Variants in LRFN2 observed in about 807,000 individuals in gnomAD.
The protein encoded by LRFN2 is leucine rich repeat and fibronectin type III domain containing 2.
A neutral mutation model predicts 37.3 loss-of-function variants in LRFN2; 18 were observed. The observed-to-expected ratio is 0.48, with a 90% CI of 0.33 to 0.72. The LOEUF is 0.72. Ranked by LOEUF, LRFN2 falls within the 30% of genes least tolerant of loss-of-function variation. The probability of loss-of-function intolerance (pLI) is 0.02; values close to 1 mark genes in which losing one functional copy is unlikely to be tolerated. For synonymous variants in LRFN2, 556 were observed against 466.6 expected, an observed-to-expected ratio of 1.19 and a Z score of -2.47; for missense variants, 1,006 against 1,060.7, an observed-to-expected ratio of 0.95 and a Z score of 0.72.
chr6:40,514,645 T>C lies in LRFN2; in HGVS notation c.-19+72296A>G, dbSNP rs367964155. On this transcript the variant is annotated intron_variant, in intron 1 of 2. Coordinates refer to ENST00000338305, the MANE Select transcript of LRFN2 (RefSeq NM_020737.3). Reference sequence around the variant, plus strand: ...TTACATGTGACTAGGTAAATCAGCATTGTTATGTGCCAAAGAAAGGTAAAG... The same window carrying C: ...TTACATGTGACTAGGTAAATCAGCACTGTTATGTGCCAAAGAAAGGTAAAG... Among the ~76,000 whole-genome samples the C allele has an allele frequency of 1.3e-4, 20 of 152,296 alleles. No homozygotes were observed. The East Asian group carries it at 2.7e-3, about 21-fold the overall frequency.
rs1581668906 is a variant in LRFN2, at chr6:40,391,593, T to C, written c.*350A>G. ...GAATGAAGAGGAGGAGTCTGGGAAA[T>C]GGAAAAAAAATAAATTAAGAAATAA... On this transcript the variant is annotated 3_prime_UTR_variant, in exon 3 of 3. Coordinates refer to ENST00000338305, the MANE Select transcript of LRFN2 (RefSeq NM_020737.3). 1 of 191,318 alleles carries C rather than the reference T, an allele frequency of 5.2e-6. No individual in the cohort carries two copies. The highest frequency in any genetic ancestry group is 1.2e-4 in the East Asian group (1 of 8,232). 11.9% of individuals were successfully genotyped at this position (191,318 alleles called of 1,614,324 possible).
chr6:40,537,478 A>T (rs1271985170), intron 1 of LRFN2, among the ~76,000 whole-genome samples: 1 of 152,142 alleles, frequency 6.6e-6, no homozygotes, highest in Non-Finnish European at 1.5e-5. Context: ...TCCAAGAAGA[A>T]GTATCAGGGG....
chr6:40,407,890 C>T (rs542830645), intron 2 of LRFN2: 1 of 152,344 alleles, frequency 6.6e-6, no homozygotes, highest in African/African-American at 2.4e-5. Context: ...AAACTGGAAC[C>T]ATGCAGAGGT....
intron 2 of LRFN2, among the ~76,000 whole-genome samples, chr6:40,394,761 G>A (rs906990545): frequency 6.6e-6 from 1 of 151,980 alleles, no homozygotes; most frequent in African/African-American, 2.4e-5. Flanking sequence ...CATGAGGGTG[G>A]GTCTTTCCCA....
chr6:40,516,663 C>A (rs998129283), intron 1 of LRFN2, among the ~76,000 whole-genome samples: 7 of 152,178 alleles, frequency 4.6e-5, no homozygotes, highest in African/African-American at 9.7e-5. Flanking sequence ...CCTCCCTGAC[C>A]TCATTCCCGC....
At chr6:40,449,704 G>T (rs1764058281) in intron 1 of LRFN2, among the ~76,000 whole-genome samples, 1 of 152,098 alleles carries the variant, frequency 6.6e-6, no homozygotes, top group Admixed American at 6.5e-5. Flanking sequence ...ACAACTTTCT[G>T]TTTTAAATAG....
chr6:40,457,914 G>C lies in LRFN2; in HGVS notation c.-18-24783C>G, dbSNP rs1219934404. Among the ~76,000 whole-genome samples, 4 of 152,280 alleles carry C rather than the reference G, an allele frequency of 2.6e-5. No individual in the cohort carries two copies. In the East Asian group the frequency reaches 5.8e-4, roughly 22 times the overall value. The stretch of plus-strand genomic sequence containing the variant: ...GATCATCCAGCCCCTTTCCTGTCCT[G>C]CCATGAGGGTCAAGGGGGCTGGGCA... On this transcript the variant is annotated intron_variant, in intron 1 of 2. Transcript: ENST00000338305.
intron 1 of LRFN2, among the ~76,000 whole-genome samples, chr6:40,524,181 A>G (rs560295048): frequency 4.6e-5 from 7 of 152,340 alleles, no homozygotes; most frequent in African/African-American, 1.7e-4. Context: ...AAATAAAACT[A>G]CATCCCAATT....
At chr6:40,442,837 G>T (rs1161415995) in intron 1 of LRFN2, among the ~76,000 whole-genome samples, 1 of 152,168 alleles carries the variant, frequency 6.6e-6, no homozygotes, top group East Asian at 1.9e-4. Flanking sequence ...CCTCCTGGTT[G>T]TGCGGAGCTG....
intron 1 of LRFN2, among the ~76,000 whole-genome samples, chr6:40,560,705 A>G (rs1287402690): frequency 6.6e-6 from 1 of 152,238 alleles, no homozygotes; most frequent in African/African-American, 2.4e-5. Flanking sequence ...AGCAGGATAG[A>G]ATAGGACAGA....
intron 2 of LRFN2, among the ~76,000 whole-genome samples, chr6:40,414,969 C>G (rs558445828): frequency 1.8e-4 from 28 of 152,154 alleles, no homozygotes; most frequent in Non-Finnish European, 3.8e-4. Flanking sequence ...AAATGTGGGG[C>G]ACTTTCAGCT....
intron 1 of LRFN2, among the ~76,000 whole-genome samples, chr6:40,482,563 AC>A (rs1764857650): frequency 6.6e-6 from 1 of 152,046 alleles, no homozygotes; most frequent in African/African-American, 2.4e-5. Flanking sequence ...AAACCTCCAA[AC>A]TTTTTTAAAT....
At chr6:40,512,754 G>C (rs755940605) in intron 1 of LRFN2, among the ~76,000 whole-genome samples, 1 of 152,170 alleles carries the variant, frequency 6.6e-6, no homozygotes, top group Admixed American at 6.5e-5. Context: ...CTACCAGGAG[G>C]GTGCCAGAGA....
intron 1 of LRFN2, among the ~76,000 whole-genome samples, chr6:40,485,119 AG>A (rs1764923451): frequency 1.3e-5 from 2 of 152,212 alleles, no homozygotes; most frequent in African/African-American, 4.8e-5. Flanking sequence ...TAGCTACAAA[AG>A]GGATGTTTTT....
At chr6:40,537,050 G>A (rs1202128637) in intron 1 of LRFN2, among the ~76,000 whole-genome samples, 1 of 152,226 alleles carries the variant, frequency 6.6e-6, no homozygotes, top group African/African-American at 2.4e-5. Context: ...CCCTGCCAAA[G>A]GTTATGGAGC....
Position 40,435,153 on chromosome 6 carries a change from C to CAGAGAG in LRFN2, c.-18-2028_-18-2023dup, listed in dbSNP as rs10583784. On this transcript the variant is annotated intron_variant, in intron 1 of 2. Transcript: ENST00000338305. ...ATTATGTATTTTATATATATATATA[C>CAGAGAG]AGAGAGAGAGAGAGAGAGAGAGAGA... is the stretch of plus-strand genomic sequence containing the variant. Among the ~76,000 whole-genome samples the CAGAGAG allele has an allele frequency of 1.1e-3, 128 of 113,596 alleles. 1 individual carries two copies. The highest frequency in any genetic ancestry group is 3.6e-3 in the African/African-American group (119 of 32,728). 74.5% of individuals were successfully genotyped at this position (113,596 alleles called of 152,430 possible).
chr6:40,496,788 T>A (rs186900563), intron 1 of LRFN2, among the ~76,000 whole-genome samples: 1 of 152,242 alleles, frequency 6.6e-6, no homozygotes, highest in East Asian at 1.9e-4. Context: ...TGAGACCCTT[T>A]GGGGCAAGGA....
At chr6:40,460,769 G>A (rs914219295) in intron 1 of LRFN2, among the ~76,000 whole-genome samples, 2 of 152,160 alleles carry the variant, frequency 1.3e-5, no homozygotes, top group African/African-American at 4.8e-5. Context: ...GAAAGATGAG[G>A]AGACTTCATA....
At chr6:40,516,289 G>C (rs1009144323) in intron 1 of LRFN2, 2 of 152,234 alleles carry the variant, frequency 1.3e-5, no homozygotes, top group African/African-American at 4.8e-5. Context: ...CCTCCGTTCT[G>C]TTTAGGGTTC....
Sources: gnomAD v4.1 joint callset for allele counts (sites outside exome capture counted in the v4.1 genomes callset) on GRCh38, gnomAD v4.1.1 for gene constraint, MANE v1.5 for transcripts, NCBI Gene and HGNC (gene_info 2026-07-23, HGNC 2026-07-21) for gene names.